Variants in TM9SF2 observed in about 807,000 individuals in gnomAD.
The protein encoded by TM9SF2 is transmembrane 9 superfamily member 2, also known as 76 kDa membrane protein.
In TM9SF2, 13 loss-of-function variants were observed where a neutral mutation model predicts 84.9. That is an observed-to-expected ratio of 0.15 (90% CI 0.10 to 0.24). The LOEUF (loss-of-function observed/expected upper bound fraction) is 0.24. Among genes scored for constraint, TM9SF2 ranks in the 10% least tolerant of loss-of-function variants. The pLI is 1.00. For missense variants in TM9SF2, 562 were observed against 818.5 expected, an observed-to-expected ratio of 0.69 and a Z score of 3.82; for synonymous variants, 273 against 285.8, an observed-to-expected ratio of 0.96 and a Z score of 0.45.
At chr13:99,505,359 G>T (rs2046084589) in intron 1 of TM9SF2, among the ~76,000 whole-genome samples, 1 of 152,086 alleles carries the variant, frequency 6.6e-6, no homozygotes, top group Non-Finnish European at 1.5e-5. Context: ...CACCACGTTG[G>T]CCAGGCTTGT....
At chr13:99,512,434 G>C (rs1824898511) in intron 1 of TM9SF2, among the ~76,000 whole-genome samples, 1 of 152,092 alleles carries the variant, frequency 6.6e-6, no homozygotes, top group Admixed American at 6.5e-5. Context: ...CATCAGATCA[G>C]GAAGGGTTGA....
At chr13:99,511,188 CAA>C (rs1180212199) in intron 1 of TM9SF2, among the ~76,000 whole-genome samples, 2 of 152,078 alleles carry the variant, frequency 1.3e-5, no homozygotes, top group Non-Finnish European at 2.9e-5. Flanking sequence ...TTTCAAAATT[CAA>C]AAAGTTGAAA....
chr13:99,511,758 C>A (rs1047110921), intron 1 of TM9SF2, among the ~76,000 whole-genome samples: 1 of 152,068 alleles, frequency 6.6e-6, no homozygotes, highest in Non-Finnish European at 1.5e-5. Flanking sequence ...GTGTTGATAT[C>A]TATGATAGAC....
intron 1 of TM9SF2, among the ~76,000 whole-genome samples, chr13:99,508,056 G>A (rs2046095916): frequency 1.3e-5 from 2 of 152,162 alleles, no homozygotes; most frequent in Non-Finnish European, 2.9e-5. Flanking sequence ...GTACATTTAG[G>A]AGAGAAATTT....
At chr13:99,517,445 T>C (rs1201194801) in intron 1 of TM9SF2, among the ~76,000 whole-genome samples, 169 bp from the exon 2 acceptor site, 1 of 152,246 alleles carries the variant, frequency 6.6e-6, no homozygotes, top group East Asian at 1.9e-4. Context: ...ATATTTTAAA[T>C]GTATATAAAT....
intron 1 of TM9SF2, among the ~76,000 whole-genome samples, chr13:99,512,268 T>G (rs1042004235): frequency 1.3e-5 from 2 of 152,260 alleles, no homozygotes; most frequent in African/African-American, 4.8e-5. Context: ...GACCAGCTTC[T>G]GCGTGTACTG....
intron 11 of TM9SF2, 98 bp downstream of exon 11, chr13:99,547,202 G>C (rs1455991577): frequency 2.6e-6 from 4 of 1,548,768 alleles, no homozygotes; most frequent in East Asian, 2.3e-5. Context: ...TTTGTAAATA[G>C]TGTGCCTCAT....
chr13:99,517,682 G>A lies in TM9SF2; in HGVS notation c.239+1G>A, dbSNP rs2046140580. The A allele has an allele frequency of 1.9e-6, 3 of 1,572,796 alleles. No individual in the cohort carries two copies. The highest frequency in any genetic ancestry group is 2.6e-6 in the Non-Finnish European group (3 of 1,162,700). ...CAGTTCTTCCTTATGAATACACAGC[G>A]TAAGTTTTTCAGCTTGGCTTTTATA... On this transcript the variant is annotated splice_donor_variant, in intron 2 of 16. Transcript: ENST00000376387. LOFTEE classifies it high-confidence loss of function.
At chr13:99,514,680 A>C (rs546976477) in intron 1 of TM9SF2, among the ~76,000 whole-genome samples, 67 of 152,352 alleles carry the variant, frequency 4.4e-4, no homozygotes, top group Non-Finnish European at 7.3e-4. Flanking sequence ...GGTCTAACAC[A>C]GAGGCCGTTA....
At chr13:99,506,516 A>G (rs1161705950) in intron 1 of TM9SF2, among the ~76,000 whole-genome samples, 5 of 152,236 alleles carry the variant, frequency 3.3e-5, no homozygotes, top group African/African-American at 4.8e-5. Flanking sequence ...CTGAAAAGGT[A>G]TGTTAAACTG....
chr13:99,537,701 C>A, intron 5 of TM9SF2, 38 bp from the exon 6 acceptor site: 1 of 1,534,128 alleles, frequency 6.5e-7, no homozygotes, highest in South Asian at 1.3e-5. Context: ...CTTATGTAGT[C>A]AGTTTTCTAC....
chr13:99,513,652 G>A (rs932286655), intron 1 of TM9SF2, among the ~76,000 whole-genome samples: 4 of 152,172 alleles, frequency 2.6e-5, no homozygotes, highest in African/African-American at 9.7e-5. Context: ...GCTGAAGGAA[G>A]TACTAGAATT....
chr13:99,555,209 T>C (rs1246471970), intron 14 of TM9SF2, among the ~76,000 whole-genome samples: 1 of 152,238 alleles, frequency 6.6e-6, no homozygotes, highest in Non-Finnish European at 1.5e-5. Context: ...AAGAAACGGT[T>C]ACCTATTCTT....
intron 4 of TM9SF2, among the ~76,000 whole-genome samples, chr13:99,532,728 A>T (rs982676149): frequency 3.9e-5 from 6 of 152,226 alleles, no homozygotes; most frequent in African/African-American, 1.4e-4. Flanking sequence ...GTTAACAAAG[A>T]TTTCATTATA....
At chr13:99,528,942 A>G (rs1048102513) in intron 3 of TM9SF2, among the ~76,000 whole-genome samples, 1 of 152,206 alleles carries the variant, frequency 6.6e-6, no homozygotes, top group African/African-American at 2.4e-5. Context: ...TAGCTGGTAA[A>G]TTTCAGCCTT....
intron 15 of TM9SF2, among the ~76,000 whole-genome samples, chr13:99,558,957 A>AC (rs1285877362): frequency 6.6e-6 from 1 of 152,258 alleles, no homozygotes; most frequent in East Asian, 1.9e-4. Context: ...ACCAGGCCTT[A>AC]GTAGAATAAT....
chr13:99,537,591 G>A, intron 5 of TM9SF2, 148 bp from the exon 6 acceptor site: 1 of 611,272 alleles, frequency 1.6e-6, no homozygotes, highest in South Asian at 2.9e-5. Flanking sequence ...AAGAGTTTAA[G>A]TATAAAATTG....
At chr13:99,511,282 T>A (rs1056935830) in intron 1 of TM9SF2, among the ~76,000 whole-genome samples, 9 of 152,160 alleles carry the variant, frequency 5.9e-5, no homozygotes, top group African/African-American at 2.2e-4. Context: ...TTGTCTTATT[T>A]GTGTGTATTT....
At chr13:99,551,475 G>A (rs2046305340) in intron 12 of TM9SF2, among the ~76,000 whole-genome samples, 1 of 152,216 alleles carries the variant, frequency 6.6e-6, no homozygotes, top group Non-Finnish European at 1.5e-5. Context: ...TAACTACTGT[G>A]TGAAAATATG....
Sources: allele counts gnomAD v4.1 joint callset (sites outside exome capture counted in the v4.1 genomes callset), GRCh38; gene constraint gnomAD v4.1.1; transcripts MANE v1.5; gene names NCBI Gene and HGNC (gene_info 2026-07-23, HGNC 2026-07-21).